Variants in RFX3 observed in about 807,000 individuals in gnomAD.
The protein encoded by RFX3 is transcription factor RFX3.
A neutral mutation model predicts 98.6 loss-of-function variants in RFX3; 14 were observed. The observed-to-expected ratio is 0.14, with a 90% CI of 0.09 to 0.22. The LOEUF (loss-of-function observed/expected upper bound fraction) is 0.22. RFX3 is among the 10% of genes least tolerant of loss of function. The pLI is 1.00. For synonymous variants in RFX3, 383 were observed against 328.4 expected, an observed-to-expected ratio of 1.17 and a Z score of -1.80; for missense variants, 639 against 926.9, an observed-to-expected ratio of 0.69 and a Z score of 4.03.
At chr9:3,260,962 C>T (rs1002412673) in intron 13 of RFX3, among the ~76,000 whole-genome samples, 1 of 151,100 alleles carries the variant, frequency 6.6e-6, no homozygotes, top group African/African-American at 2.4e-5. Flanking sequence ...ATGAAAGTCT[C>T]AATGAACAAC....
At chr9:3,279,886 C>T (rs1361420775) in intron 7 of RFX3, among the ~76,000 whole-genome samples, 1 of 151,628 alleles carries the variant, frequency 6.6e-6, no homozygotes, top group African/African-American at 2.4e-5. Flanking sequence ...TAGAGATAAA[C>T]TATATTATGT....
At chr9:3,515,186 A>G (rs949987274) in intron 1 of RFX3, among the ~76,000 whole-genome samples, 2 of 152,224 alleles carry the variant, frequency 1.3e-5, no homozygotes, top group African/African-American at 4.8e-5. Context: ...CTTATGAACT[A>G]GATTTTCTCA....
chr9:3,236,108 T>C (rs1296829789), intron 15 of RFX3, among the ~76,000 whole-genome samples: 2 of 152,188 alleles, frequency 1.3e-5, no homozygotes, highest in South Asian at 2.1e-4. Flanking sequence ...TCACTAAGGA[T>C]AGGGTACAGT....
chr9:3,311,292 A>T (rs182642571), intron 4 of RFX3, among the ~76,000 whole-genome samples: 1 of 152,310 alleles, frequency 6.6e-6, no homozygotes, highest in East Asian at 1.9e-4. Flanking sequence ...AAACATTTCT[A>T]CCTGGTTTGC....
chr9:3,257,234 C>G lies in RFX3; in HGVS notation c.1606-35G>C, dbSNP rs781705546. ...TAACACAGAAAGAAAAGGAAAAGTT[C>G]AATTCAGCATCCTTTCATTGAATGC... On this transcript the variant is annotated intron_variant, in intron 13 of 16. Coordinates refer to ENST00000617270, the MANE Select transcript of RFX3 (RefSeq NM_001282116.2). 7 of 1,584,962 alleles carry G rather than the reference C, an allele frequency of 4.4e-6. No individual in the cohort carries two copies. The South Asian group carries it at 4.4e-5, about 10-fold the overall frequency.
intron 7 of RFX3, among the ~76,000 whole-genome samples, chr9:3,281,155 A>T (rs1302753373): frequency 6.6e-6 from 1 of 151,584 alleles, no homozygotes; most frequent in African/African-American, 2.4e-5. Context: ...TTTTTCCAAG[A>T]TGTCTTTTAT....
Position 3,336,305 on chromosome 9 carries a change from G to A in RFX3, c.216-5788C>T, listed in dbSNP as rs115661039. Reference sequence around the variant, plus strand: ...AGAATAAAAGGAACAACACAGACATGACCTCTACTATTATTAGGGCTACGT... The same window carrying A: ...AGAATAAAAGGAACAACACAGACATAACCTCTACTATTATTAGGGCTACGT... On this transcript the variant is annotated intron_variant, in intron 3 of 16. Coordinates refer to ENST00000617270, the MANE Select transcript of RFX3 (RefSeq NM_001282116.2). Among the ~76,000 whole-genome samples, 1,138 of 151,974 alleles carry A rather than the reference G, an allele frequency of 7.5e-3. 8 individuals carry two copies. The highest frequency in any genetic ancestry group is 0.026 in the African/African-American group (1,076 of 41,470).
chr9:3,291,477 T>C (rs1827348784), intron 6 of RFX3, among the ~76,000 whole-genome samples: 1 of 152,114 alleles, frequency 6.6e-6, no homozygotes, highest in Non-Finnish European at 1.5e-5. Context: ...CATTAGATCA[T>C]ACCCCTAGAA....
intron 1 of RFX3, among the ~76,000 whole-genome samples, chr9:3,497,195 G>A (rs1416785632): frequency 6.6e-6 from 1 of 151,996 alleles, no homozygotes; most frequent in East Asian, 1.9e-4. Context: ...CTACTTAACT[G>A]CTAAACTACA....
At position 3,388,324 on chromosome 9, in the gene RFX3, T is replaced by C. The variant is rs1398115480; in HGVS notation, c.117+7148A>G. ...TAATGGAGACTATTCATTTAAATCT[T>C]ACCTTACTTGAAGATTGCCCTTCTC... On this transcript the variant is annotated intron_variant, in intron 2 of 16. Coordinates refer to ENST00000617270, the MANE Select transcript of RFX3 (RefSeq NM_001282116.2). Among the ~76,000 whole-genome samples the C allele has an allele frequency of 2.0e-5, 3 of 152,148 alleles. No individual in the cohort carries two copies. The East Asian group carries it at 5.8e-4, about 29-fold the overall frequency.
At chr9:3,230,336 G>GC (rs1330677862) in intron 15 of RFX3, among the ~76,000 whole-genome samples, 1 of 152,088 alleles carries the variant, frequency 6.6e-6, no homozygotes, top group Non-Finnish European at 1.5e-5. Flanking sequence ...TTGAAAGTCT[G>GC]CCCCACTGTT....
chr9:3,266,757 C>T (rs767550979), intron 11 of RFX3, among the ~76,000 whole-genome samples: 1 of 152,054 alleles, frequency 6.6e-6, no homozygotes, highest in Non-Finnish European at 1.5e-5. Context: ...AAAGCTTGCT[C>T]TGTTTCTCTA....
chr9:3,277,229 C>G, intron 8 of RFX3, 111 bp downstream of exon 8: 3 of 1,144,724 alleles, frequency 2.6e-6, no homozygotes, highest in Non-Finnish European at 3.8e-6. Flanking sequence ...ATTTTGGCAC[C>G]AAAAAAAATC....
chr9:3,521,529 T>C (rs117369898), intron 1 of RFX3, among the ~76,000 whole-genome samples: 317 of 152,274 alleles, frequency 2.1e-3, no homozygotes, highest in Admixed American at 4.7e-3. Context: ...GCATCTGTTA[T>C]AAGAAATATA....
chr9:3,389,669 T>G (rs1486439039), intron 2 of RFX3, among the ~76,000 whole-genome samples: 1 of 152,074 alleles, frequency 6.6e-6, no homozygotes, highest in Non-Finnish European at 1.5e-5. Flanking sequence ...CGACCTCAAG[T>G]AATAGCCTGC....
At chr9:3,256,888 T>G in intron 14 of RFX3, 103 bp downstream of exon 14, 4 of 1,097,990 alleles carry the variant, frequency 3.6e-6, no homozygotes, top group Non-Finnish European at 5.3e-6. Context: ...AACTAAAGTC[T>G]TTATTACTTT....
In RFX3 at chr9:3,224,371, C is replaced by T. The variant is rs938024958; in HGVS notation, c.*671G>A. The T allele has an allele frequency of 2.6e-5, 4 of 152,104 alleles. No individual in the cohort carries two copies. The highest frequency in any genetic ancestry group is 4.4e-5 in the Non-Finnish European group (3 of 68,016). The allele number at this position is 152,104 out of a possible 1,614,324, so 9.4% of individuals were successfully genotyped here. ...TAACATGGTTTAATAATTATGTACACAAATTATGTACATATTAGCATAATC... is the reference window on the plus strand; with the variant it reads ...TAACATGGTTTAATAATTATGTACATAAATTATGTACATATTAGCATAATC... On this transcript the variant is annotated 3_prime_UTR_variant, in exon 17 of 17. Transcript: ENST00000617270.
chr9:3,287,235 A>C (rs1391835075), intron 7 of RFX3, among the ~76,000 whole-genome samples: 1 of 151,942 alleles, frequency 6.6e-6, no homozygotes. Context: ...ATGGATAGGG[A>C]GATGTGGCCA....
At chr9:3,345,513 C>T (rs776687003) in intron 3 of RFX3, among the ~76,000 whole-genome samples, 6 of 152,048 alleles carry the variant, frequency 3.9e-5, no homozygotes, top group Non-Finnish European at 7.4e-5. Flanking sequence ...CAATGAAAAG[C>T]TTCCAGTTTT....
Sources: allele counts gnomAD v4.1 joint callset (sites outside exome capture counted in the v4.1 genomes callset), GRCh38; gene constraint gnomAD v4.1.1; transcripts MANE v1.5; gene names NCBI Gene and HGNC (gene_info 2026-07-23, HGNC 2026-07-21).